Variants in ADAMTS17 observed in about 807,000 individuals in gnomAD.
ADAMTS17 encodes ADAM metallopeptidase with thrombospondin type 1 motif 17.
ADAMTS17 carries 113 observed loss-of-function variants against 141.5 expected under a neutral mutation model. The ratio of observed to expected loss-of-function variants is 0.80; its 90% CI spans 0.69 to 0.93. The LOEUF (loss-of-function observed/expected upper bound fraction) is 0.93, where lower values mean the gene tolerates loss of function less well. ADAMTS17 is among the 40% of genes least tolerant of loss of function. The pLI, the probability that ADAMTS17 is intolerant of heterozygous loss-of-function variation, is 0.00. For missense variants in ADAMTS17, 1,659 were observed against 1,517.9 expected (o/e 1.09, Z -1.54); for synonymous variants, 768 against 630.6 (o/e 1.22, Z -3.27).
At chr15:100,068,430 A>C (rs1331798553) in intron 15 of ADAMTS17, among the ~76,000 whole-genome samples, 1 of 152,138 alleles carries the variant, frequency 6.6e-6, no homozygotes, top group Non-Finnish European at 1.5e-5. Context: ...ACAGCTGGAC[A>C]TCTGCGAACA....
chr15:100,065,187 G>A (rs1445097856), intron 15 of ADAMTS17, among the ~76,000 whole-genome samples: 2 of 152,176 alleles, frequency 1.3e-5, no homozygotes, highest in African/African-American at 2.4e-5. Flanking sequence ...CCCCAAGAAA[G>A]TAATATTTTG....
chr15:100,054,184 T>G lies in ADAMTS17; in HGVS notation c.2138-130A>C. 5 of 1,074,150 alleles carry G rather than the reference T, an allele frequency of 4.7e-6. 1 individual carries two copies. In the Admixed American group the frequency reaches 8.8e-5, roughly 19 times the overall value. 66.5% of individuals were successfully genotyped at this position (1,074,150 alleles called of 1,614,324 possible). A position where few individuals can be genotyped will look rare whatever the true frequency, so the allele number is the denominator to read the frequency against. On this transcript the variant is annotated intron_variant, in intron 15 of 21. Transcript: ENST00000268070. ...TTCCACAGGGGGAAGGAGGGAGGCCTGAAGCGAGAGAAGGCGAGTGCTCTG... is the reference window on the plus strand; with the variant it reads ...TTCCACAGGGGGAAGGAGGGAGGCCGGAAGCGAGAGAAGGCGAGTGCTCTG...
chr15:100,183,526 T>A (rs2141544756), intron 8 of ADAMTS17, among the ~76,000 whole-genome samples: 1 of 152,286 alleles, frequency 6.6e-6, no homozygotes, highest in Admixed American at 6.5e-5. Flanking sequence ...ATTTCTTTGA[T>A]GAAATTTTGT....
chr15:100,015,473 T>C (rs1001962516), intron 18 of ADAMTS17, among the ~76,000 whole-genome samples: 1 of 152,366 alleles, frequency 6.6e-6, no homozygotes, highest in East Asian at 1.9e-4. Flanking sequence ...GTGTGATTTA[T>C]GCTTTAAAGA....
intron 4 of ADAMTS17, among the ~76,000 whole-genome samples, chr15:100,276,393 AGTGGGTGCCTGGTGGGAGGGTGGGAGGGT>A (rs2044091405): frequency 2.6e-5 from 1 of 38,306 alleles, no homozygotes; most frequent in Non-Finnish European, 5.0e-5. Flanking sequence ...AGTGGGAGGG[AGTGGGTGCCTGGTGGGAGGGTGGGAGGGT>A]GTGGGTGCCT....
At chr15:100,069,328 T>A (rs1431673696) in intron 15 of ADAMTS17, among the ~76,000 whole-genome samples, 1 of 152,180 alleles carries the variant, frequency 6.6e-6, no homozygotes, top group East Asian at 1.9e-4. Flanking sequence ...TGCAGGATAT[T>A]ATACAGGAGA....
intron 8 of ADAMTS17, among the ~76,000 whole-genome samples, chr15:100,162,443 TATAGTTA>T (rs1567284413): frequency 5.3e-5 from 7 of 132,014 alleles, no homozygotes; most frequent in African/African-American, 2.1e-4. Context: ...TATATACACA[TATAGTTA>T]TATATATGCA....
At chr15:100,331,866 A>T (rs1399337358) in intron 2 of ADAMTS17, among the ~76,000 whole-genome samples, 1 of 152,104 alleles carries the variant, frequency 6.6e-6, no homozygotes. Context: ...GTGCATTTCT[A>T]AGAAGTTTCC....
chr15:99,989,588 C>T (rs146317476), intron 20 of ADAMTS17, among the ~76,000 whole-genome samples: 25 of 152,314 alleles, frequency 1.6e-4, no homozygotes, highest in African/African-American at 3.4e-4. Context: ...CAGATGATCC[C>T]GAACATCTGC....
intron 20 of ADAMTS17, among the ~76,000 whole-genome samples, chr15:99,977,399 TA>T (rs1302449360): frequency 5.6e-4 from 4 of 7,192 alleles, no homozygotes; most frequent in Non-Finnish European, 8.6e-4. Flanking sequence ...TATATATATA[TA>T]ATTTTTTTTT....
chr15:100,341,936 G>A lies in ADAMTS17; in HGVS notation c.-37C>T, dbSNP rs1419969888. On this transcript the variant is annotated 5_prime_UTR_variant, in exon 1 of 22. Transcript: ENST00000268070. ...CCGGCAGCCCCCCCGGACCGTGGCG[G>A]CGAAGCAGGAGCGCGCTAGGCGGCG... 6.5e-7 allele frequency: 1 copy of A among 1,547,578 alleles called. No homozygotes were observed. Among genetic ancestry groups the A allele is most frequent in the East Asian group, 2.5e-5 (1 of 40,812 alleles).
At chr15:100,123,497 G>C (rs1210270982) in intron 12 of ADAMTS17, among the ~76,000 whole-genome samples, 1 of 152,180 alleles carries the variant, frequency 6.6e-6, no homozygotes, top group Non-Finnish European at 1.5e-5. Context: ...GAGGCCTCCA[G>C]GGGAAAGCCA....
At chr15:100,112,758 G>T (rs1411619350) in intron 13 of ADAMTS17, among the ~76,000 whole-genome samples, 1 of 152,166 alleles carries the variant, frequency 6.6e-6, no homozygotes, top group Non-Finnish European at 1.5e-5. Context: ...CAAAGCCTGG[G>T]GCCGGTCTGG....
In ADAMTS17 at chr15:99,974,431, T is replaced by G. The variant is rs373278935; in HGVS notation, c.3259A>C (p.Lys1087Gln). ...GAGTTCGGCGGTGGCTGGCGCATCT[T>G]GTTTGCATAGAAGTCCCTGCAGGTC... Reference protein sequence around the residue: ...CQTCRDFYANKMRQPPPNS With the variant: ...CQTCRDFYANQMRQPPPNS The change falls in exon 22 of 22, where the codon AAG (lysine) becomes CAG (glutamine). Residue 1087 changes from lysine to glutamine, a missense_variant. By Grantham distance (53) the Lys-to-Gln change is moderately conservative. Transcript: ENST00000268070. 1.2e-6 allele frequency: 2 copies of G among 1,614,092 alleles called. No individual in the cohort carries two copies. Among genetic ancestry groups the G allele is most frequent in the African/African-American group, 1.3e-5 (1 of 74,942 alleles).
chr15:100,248,676 G>A (rs1274303120), intron 7 of ADAMTS17, among the ~76,000 whole-genome samples: 2 of 152,176 alleles, frequency 1.3e-5, no homozygotes, highest in East Asian at 3.8e-4. Flanking sequence ...GCCTTACAGT[G>A]ACTTCCTCCA....
intron 15 of ADAMTS17, among the ~76,000 whole-genome samples, chr15:100,061,692 C>A (rs186750131): frequency 4.6e-5 from 7 of 152,312 alleles, no homozygotes; most frequent in Admixed American, 2.6e-4. Context: ...CTGAGCCAGG[C>A]GGAGCAGCCA....
At chr15:100,082,159 G>C (rs2034782836) in intron 15 of ADAMTS17, among the ~76,000 whole-genome samples, 1 of 151,916 alleles carries the variant, frequency 6.6e-6, no homozygotes, top group African/African-American at 2.4e-5. Flanking sequence ...TTCGCCTCCT[G>C]GGTTCAAGCG....
chr15:100,266,620 C>G (rs751187757), intron 4 of ADAMTS17, among the ~76,000 whole-genome samples: 1 of 152,204 alleles, frequency 6.6e-6, no homozygotes, highest in Non-Finnish European at 1.5e-5. Context: ...GTGCCCCCAT[C>G]ACCCTCCCCA....
At chr15:100,340,869 G>C (rs1037284332) in intron 2 of ADAMTS17, 170 bp downstream of exon 2, 1 of 1,048,636 alleles carries the variant, frequency 9.5e-7, no homozygotes, top group African/African-American at 1.6e-5. Flanking sequence ...CCTATAGAGG[G>C]TACCGAAGGC....
Sources: allele counts gnomAD v4.1 joint callset (sites outside exome capture counted in the v4.1 genomes callset), GRCh38; gene constraint gnomAD v4.1.1; transcripts MANE v1.5; gene names NCBI Gene and HGNC (gene_info 2026-07-23, HGNC 2026-07-21).